Variants in TRERF1 observed in about 807,000 individuals in gnomAD.
The protein encoded by TRERF1 is transcriptional regulating factor 1, also known as transcriptional-regulating factor 1.
TRERF1 carries 27 observed loss-of-function variants against 122.9 expected under a neutral mutation model. That is an observed-to-expected ratio of 0.22 (90% CI 0.16 to 0.30). The LOEUF (loss-of-function observed/expected upper bound fraction) is 0.30, where lower values mean the gene tolerates loss of function less well. Ranked by LOEUF, TRERF1 falls within the 10% of genes least tolerant of loss-of-function variation. The pLI is 1.00. For synonymous variants in TRERF1, 636 were observed against 641.7 expected (o/e 0.99, Z 0.13); for missense variants, 1,248 against 1,560.3 (o/e 0.80, Z 3.37).
At chr6:42,400,928 C>G (rs577927763) in intron 2 of TRERF1, among the ~76,000 whole-genome samples, 1 of 152,296 alleles carries the variant, frequency 6.6e-6, no homozygotes, top group Admixed American at 6.5e-5. Flanking sequence ...CTAGGAGACC[C>G]GAGTCCCAAC....
chr6:42,398,261 C>T (rs907279960), intron 2 of TRERF1, among the ~76,000 whole-genome samples: 1 of 152,158 alleles, frequency 6.6e-6, no homozygotes, highest in African/African-American at 2.4e-5. Context: ...AACCCTACCC[C>T]CAAAGTGAAG....
At chr6:42,439,525 A>C (rs1244114972) in intron 2 of TRERF1, among the ~76,000 whole-genome samples, 1 of 152,176 alleles carries the variant, frequency 6.6e-6, no homozygotes, top group Non-Finnish European at 1.5e-5. Flanking sequence ...CGGAGGTTGC[A>C]GTGAGCTGAG....
At chr6:42,251,251 C>A (rs1225292778) in intron 13 of TRERF1, among the ~76,000 whole-genome samples, 1 of 152,158 alleles carries the variant, frequency 6.6e-6, no homozygotes, top group African/African-American at 2.4e-5. Context: ...CCGCCTTGGC[C>A]TCCCAAAGTG....
At chr6:42,357,191 T>C (rs1395649507) in intron 3 of TRERF1, among the ~76,000 whole-genome samples, 1 of 151,600 alleles carries the variant, frequency 6.6e-6, no homozygotes, top group South Asian at 2.1e-4. Context: ...TAGCCAGGCA[T>C]GGTGGTGCGT....
chr6:42,431,717 C>T (rs955821501), intron 2 of TRERF1, among the ~76,000 whole-genome samples: 1 of 152,116 alleles, frequency 6.6e-6, no homozygotes, highest in Non-Finnish European at 1.5e-5. Context: ...ACTCAATACA[C>T]ACCAGGGACC....
Position 42,262,547 on chromosome 6 carries a change from G to C in TRERF1, c.1884+773C>G, listed in dbSNP as rs1320868609. Among the ~76,000 whole-genome samples, 86 of 96,160 alleles carry C rather than the reference G, an allele frequency of 8.9e-4. 9 individuals carry two copies. The highest frequency in any genetic ancestry group is 6.9e-3 in the South Asian group (15 of 2,184). 63.1% of individuals were successfully genotyped at this position (96,160 alleles called of 152,430 possible). A position where few individuals can be genotyped will look rare whatever the true frequency, so the allele number is the denominator to read the frequency against. Reference sequence around the variant, plus strand: ...AGAGAGAGAGAGAGAGAGAGAGAGAGAGAGAGAGAGAGAGAGAGAGAGAGA... The same window carrying C: ...AGAGAGAGAGAGAGAGAGAGAGAGACAGAGAGAGAGAGAGAGAGAGAGAGA... On this transcript the variant is annotated intron_variant, in intron 8 of 17. Transcript: ENST00000372922.
intron 2 of TRERF1, among the ~76,000 whole-genome samples, chr6:42,444,064 A>T (rs1787027297): frequency 6.7e-6 from 1 of 149,936 alleles, no homozygotes; most frequent in Non-Finnish European, 1.5e-5. Context: ...TCCAGCTCTG[A>T]CTCTCTCCTT....
chr6:42,271,614 A>G (rs922289233), intron 4 of TRERF1, among the ~76,000 whole-genome samples: 1 of 152,140 alleles, frequency 6.6e-6, no homozygotes, highest in Non-Finnish European at 1.5e-5. Context: ...AAAAAAAGTT[A>G]CCCAGTACCA....
intron 2 of TRERF1, among the ~76,000 whole-genome samples, chr6:42,380,364 C>T (rs1477441189): frequency 2.0e-5 from 3 of 152,160 alleles, no homozygotes; most frequent in African/African-American, 4.8e-5. Context: ...AGGACTTCCC[C>T]GACCACTGCT....
chr6:42,373,836 A>G (rs553621344), intron 2 of TRERF1, among the ~76,000 whole-genome samples: 16 of 149,908 alleles, frequency 1.1e-4, no homozygotes, highest in Non-Finnish European at 2.2e-4. Context: ...AAAAAGAAGA[A>G]GAAAGAAAAG....
intron 2 of TRERF1, among the ~76,000 whole-genome samples, chr6:42,390,874 T>C (rs1777617631): frequency 6.6e-6 from 1 of 151,942 alleles, no homozygotes; most frequent in East Asian, 1.9e-4. Context: ...GACCAAGAAA[T>C]ACACGAGCCG....
rs1419331694 is a variant in TRERF1, at chr6:42,368,421, A to G, written c.-453-5342T>C. 4.6e-5 allele frequency among the ~76,000 whole-genome samples: 7 copies of G among 152,314 alleles called. No individual in the cohort carries two copies. The East Asian group carries it at 1.3e-3, about 29-fold the overall frequency. ...CCCAAGTTAGGTTCCTTTTTAAAAA[A>G]ATGACTCATTTAGGAAGAGACAAAA... On this transcript the variant is annotated intron_variant, in intron 2 of 17. Transcript: ENST00000372922.
chr6:42,326,179 TA>T (rs200301849), intron 3 of TRERF1, among the ~76,000 whole-genome samples: 9 of 148,394 alleles, frequency 6.1e-5, no homozygotes, highest in South Asian at 2.1e-4. Context: ...AAAATTGAAA[TA>T]AAAAAAAAAT....
intron 2 of TRERF1, among the ~76,000 whole-genome samples, chr6:42,379,199 C>T (rs1342815263): frequency 2.6e-5 from 4 of 151,992 alleles, no homozygotes; most frequent in African/African-American, 7.2e-5. Flanking sequence ...TCTTCTAGTA[C>T]CTGTCTTTTC....
intron 3 of TRERF1, among the ~76,000 whole-genome samples, chr6:42,306,028 G>A (rs1787172749): frequency 2.0e-5 from 2 of 102,492 alleles, no homozygotes; most frequent in South Asian, 7.1e-4. Flanking sequence ...TTGAGACAGA[G>A]TCTTACTCTG....
chr6:42,367,252 T>C (rs113833445), intron 2 of TRERF1, among the ~76,000 whole-genome samples: 226 of 152,214 alleles, frequency 1.5e-3, no homozygotes, highest in African/African-American at 5.3e-3. Flanking sequence ...TCTCCACTCT[T>C]ACTAACAGAA....
chr6:42,229,604 T>C (rs952675314), intron 17 of TRERF1, among the ~76,000 whole-genome samples: 11 of 152,194 alleles, frequency 7.2e-5, no homozygotes, highest in African/African-American at 1.2e-4. Flanking sequence ...CCTGTCTTTA[T>C]TGTACTTGAC....
chr6:42,434,910 C>CTGAGGTCAGGAGTT lies in TRERF1; in HGVS notation c.-454+16253_-454+16266dup, dbSNP rs370577080. ...TGGGAGGCCAAGGCGGGCGGATCAC[C>CTGAGGTCAGGAGTT]TGAGGTCAGGAGTTCAAGACCAGCC... On this transcript the variant is annotated intron_variant, in intron 2 of 17. Transcript: ENST00000372922. Among the ~76,000 whole-genome samples the CTGAGGTCAGGAGTT allele has an allele frequency of 3.0e-3, 451 of 152,100 alleles. 3 individuals carry two copies. Among genetic ancestry groups the CTGAGGTCAGGAGTT allele is most frequent in the African/African-American group, 0.01 (427 of 41,494 alleles).
chr6:42,297,857 G>A (rs1785369927), intron 4 of TRERF1, among the ~76,000 whole-genome samples: 1 of 152,112 alleles, frequency 6.6e-6, no homozygotes, highest in East Asian at 1.9e-4. Flanking sequence ...AAGGCATTAT[G>A]AATACCAGCC....
Sources: gnomAD v4.1 joint callset for allele counts (sites outside exome capture counted in the v4.1 genomes callset) on GRCh38, gnomAD v4.1.1 for gene constraint, MANE v1.5 for transcripts, NCBI Gene and HGNC (gene_info 2026-07-23, HGNC 2026-07-21) for gene names.